The following LONP2 variants were observed in gnomAD, a reference collection of about 807,000 sequenced individuals.
LONP2 encodes the protein lon peptidase 2, peroxisomal, also known as lon protease homolog 2, peroxisomal.
Under a neutral mutation model 85.6 loss-of-function variants are expected in LONP2, and 60 were observed. That is an observed-to-expected ratio of 0.70 (90% confidence interval 0.57 to 0.87). The LOEUF is 0.87. Among genes scored for constraint, LONP2 ranks in the 40% least tolerant of loss-of-function variants. LONP2 has a pLI of 0.00. For missense variants in LONP2, 860 were observed against 1,063.5 expected, an observed-to-expected ratio of 0.81 and a Z score of 2.66; for synonymous variants, 395 against 389.7, an observed-to-expected ratio of 1.01 and a Z score of -0.16.
At chr16:48,257,379 G>A (rs951077898) in intron 3 of LONP2, among the ~76,000 whole-genome samples, 16 of 151,960 alleles carry the variant, frequency 1.1e-4, no homozygotes, top group African/African-American at 3.6e-4. Context: ...ATTTTTAAAC[G>A]TGGAGCCATG....
intron 11 of LONP2, among the ~76,000 whole-genome samples, chr16:48,319,999 G>A (rs1338956132): frequency 1.3e-5 from 2 of 151,648 alleles, no homozygotes; most frequent in Non-Finnish European, 2.9e-5. Flanking sequence ...CATCTCTACT[G>A]AAATACAAAA....
rs1333349261 is a variant in LONP2 at position 48,252,230 on chromosome 16, A to G, written c.333A>G (p.Val111=). 6.2e-7 allele frequency: 1 copy of G among 1,614,086 alleles called. No homozygotes were observed. The highest frequency in any genetic ancestry group is 8.5e-7 in the Non-Finnish European group (1 of 1,180,028). ...CAGGCCTATGCCGTTTCCAGATTGT[A>G]CAGGTCTTAAAAGAGAAGCCATATC... ...LITGLCRFQI[V]QVLKEKPYPI... is the part of the protein sequence containing the mutation. The change falls in exon 2 of 15, where the codon GTA becomes GTG. Residue 111 remains valine (V), a synonymous_variant. Transcript: ENST00000285737.
chr16:48,288,124 T>C (rs1226516572), intron 8 of LONP2, among the ~76,000 whole-genome samples: 1 of 151,216 alleles, frequency 6.6e-6, no homozygotes, highest in Non-Finnish European at 1.5e-5. Context: ...TATATGTAAA[T>C]AAAATAAGAA....
At chr16:48,328,699 G>A (rs974538881) in intron 11 of LONP2, among the ~76,000 whole-genome samples, 8 of 150,318 alleles carry the variant, frequency 5.3e-5, no homozygotes, top group African/African-American at 2.0e-4. Flanking sequence ...AAAAAAATTG[G>A]CCAGGTGTGG....
intron 1 of LONP2, among the ~76,000 whole-genome samples, chr16:48,250,438 G>A (rs1971610560): frequency 6.6e-6 from 1 of 151,820 alleles, no homozygotes; most frequent in Non-Finnish European, 1.5e-5. Context: ...GCCAAGATTA[G>A]GCTACTGCGC....
intron 12 of LONP2, among the ~76,000 whole-genome samples, chr16:48,336,096 T>G (rs1959640421): frequency 6.6e-6 from 1 of 152,228 alleles, no homozygotes; most frequent in African/African-American, 2.4e-5. Flanking sequence ...TTTGAGGATT[T>G]AAACTAGAGC....
At chr16:48,276,572 T>C (rs1972213567) in intron 7 of LONP2, among the ~76,000 whole-genome samples, 1 of 152,256 alleles carries the variant, frequency 6.6e-6, no homozygotes, top group African/African-American at 2.4e-5. Flanking sequence ...TTTTATTTCA[T>C]GCCACACTCT....
At chr16:48,244,644 C>T (rs1389015134) in intron 1 of LONP2, 23 bp downstream of exon 1, 6 of 1,327,848 alleles carry the variant, frequency 4.5e-6, no homozygotes, top group Non-Finnish European at 5.8e-6. Context: ...GCCCCCGCGG[C>T]GGCGGCGGGC....
intron 1 of LONP2, among the ~76,000 whole-genome samples, chr16:48,248,061 TTTAAATTTATTTC>T (rs1250938697): frequency 2.6e-5 from 4 of 152,220 alleles, no homozygotes; most frequent in African/African-American, 9.6e-5. Flanking sequence ...AAATTTTAAA[TTTAAATTTATTTC>T]TTAAATTTAT....
intron 5 of LONP2, among the ~76,000 whole-genome samples, chr16:48,262,543 C>G (rs1971899556): frequency 1.3e-5 from 2 of 152,194 alleles, no homozygotes; most frequent in African/African-American, 4.8e-5. Flanking sequence ...AAGAACCCCT[C>G]CCTGGTGGGA....
chr16:48,275,383 C>T (rs960400505), intron 7 of LONP2, among the ~76,000 whole-genome samples: 9 of 152,170 alleles, frequency 5.9e-5, no homozygotes, highest in Non-Finnish European at 4.4e-5. Context: ...AACAATCTTA[C>T]AGCTCTATAT....
rs1388591170 is a variant in LONP2, at chr16:48,354,078, T to TGGGG, written c.*2276_*2277insGGGG. 1.4e-4 allele frequency: 1 copy of TGGGG among 7,290 alleles called. No homozygotes were observed. The highest frequency in any genetic ancestry group is 5.7e-4 in the African/African-American group (1 of 1,750). The allele number at this position is 7,290 out of a possible 1,614,324, so 0.5% of individuals were successfully genotyped here. On this transcript the variant is annotated 3_prime_UTR_variant, in exon 15 of 15. Transcript: ENST00000285737. ...CCTTTTTCACCTGGGTTTTTTTTTT[T>TGGGG]TGGGGGGGGTGGGGGGTTAGGGGTG... is the stretch of plus-strand genomic sequence containing the variant.
At chr16:48,357,623 C>T (rs1159980309), downstream of LONP2, among the ~76,000 whole-genome samples, 1 of 152,156 alleles carries the variant, frequency 6.6e-6, no homozygotes, top group East Asian at 1.9e-4. Flanking sequence ...TGGATTTGAT[C>T]CATTATTTTC....
At chr16:48,302,882 T>G (rs1469655618) in intron 10 of LONP2, among the ~76,000 whole-genome samples, 1 of 152,248 alleles carries the variant, frequency 6.6e-6, no homozygotes, top group Non-Finnish European at 1.5e-5. Context: ...TTTTATATGC[T>G]GCCAAGTTTA....
At position 48,252,259 on chromosome 16, in the gene LONP2, T is replaced by C; in HGVS notation, c.362T>C (p.Ile121Thr). The change falls in exon 2 of 15, where the codon ATT becomes ACT. Residue 121 changes from isoleucine (I) to threonine (T), a missense_variant. Around this residue, in one of 3 missense-constraint regions of LONP2, gnomAD observed 743 missense variants for 917.3 expected, o/e 0.81. Coordinates refer to ENST00000285737, the MANE Select transcript of LONP2 (RefSeq NM_031490.5). ...VQVLKEKPYPIAEVEQLDRLE... is the reference protein window; with the variant it reads ...VQVLKEKPYPTAEVEQLDRLE... The stretch of plus-strand genomic sequence containing the variant: ...GTCTTAAAAGAGAAGCCATATCCCA[T>C]TGCTGAAGTGGAGCAGTTGGACCGA... 6.2e-7 allele frequency: 1 copy of C among 1,614,156 alleles called. No homozygotes were observed. Among genetic ancestry groups the C allele is most frequent in the Non-Finnish European group, 8.5e-7 (1 of 1,180,002 alleles).
At chr16:48,336,329 A>T in intron 12 of LONP2, 1 of 456,254 alleles carries the variant, frequency 2.2e-6, no homozygotes, top group Non-Finnish European at 4.4e-6. Context: ...GAGCTTTAAC[A>T]TAGTAACACT....
At chr16:48,271,324 G>T (rs562651754) in intron 7 of LONP2, among the ~76,000 whole-genome samples, 1 of 152,268 alleles carries the variant, frequency 6.6e-6, no homozygotes, top group South Asian at 2.1e-4. Context: ...TTTACATTTC[G>T]TGGTTTAAGG....
At chr16:48,247,974 T>C (rs867537532) in intron 1 of LONP2, among the ~76,000 whole-genome samples, 53 of 152,220 alleles carry the variant, frequency 3.5e-4, no homozygotes, top group Admixed American at 2.2e-3. Context: ...CTATTGTCCA[T>C]TGTAATGAGA....
intron 1 of LONP2, among the ~76,000 whole-genome samples, chr16:48,251,772 T>C (rs1297694298): frequency 6.6e-6 from 1 of 152,246 alleles, no homozygotes; most frequent in East Asian, 1.9e-4. Context: ...AAATTGATAA[T>C]ATTTATCCTG....
Sources: allele counts gnomAD v4.1 joint callset (sites outside exome capture counted in the v4.1 genomes callset), GRCh38; gene constraint gnomAD v4.1.1; regional missense constraint gnomAD v4.1.1; transcripts MANE v1.5; gene names NCBI Gene and HGNC (gene_info 2026-07-23, HGNC 2026-07-21).